PPP2R3A: variants seen among roughly 807,000 people sequenced by gnomAD.
PPP2R3A encodes the protein protein phosphatase 2 regulatory subunit B''alpha, also known as serine/threonine-protein phosphatase 2A regulatory subunit B'' subunit alpha.
In PPP2R3A, 80 loss-of-function variants were observed where a neutral mutation model predicts 106.9. The ratio of observed to expected loss-of-function variants is 0.75; its 90% CI spans 0.62 to 0.90. The LOEUF is 0.90. PPP2R3A is among the 40% of genes least tolerant of loss of function. The pLI is 0.00. For synonymous variants in PPP2R3A, 483 were observed against 468.3 expected, an observed-to-expected ratio of 1.03 and a Z score of -0.41; for missense variants, 1,386 against 1,350.4, an observed-to-expected ratio of 1.03 and a Z score of -0.41.
intron 1 of PPP2R3A, among the ~76,000 whole-genome samples, chr3:135,995,317 C>G (rs1055178886): frequency 3.9e-5 from 6 of 152,044 alleles, no homozygotes; most frequent in African/African-American, 1.4e-4. Flanking sequence ...CATATTTTAT[C>G]TCATCTAAGA....
At chr3:135,978,505 C>T (rs537494022) in intron 1 of PPP2R3A, among the ~76,000 whole-genome samples, 12 of 150,596 alleles carry the variant, frequency 8.0e-5, no homozygotes, top group Non-Finnish European at 1.6e-4. Context: ...GTAATTGTAC[C>T]CTTTAGATAG....
chr3:136,078,077 C>T (rs1936655816), intron 6 of PPP2R3A, among the ~76,000 whole-genome samples: 1 of 152,138 alleles, frequency 6.6e-6, no homozygotes, highest in African/African-American at 2.4e-5. Flanking sequence ...TTGAATCAGG[C>T]ATCACTGTAT....
intron 13 of PPP2R3A, among the ~76,000 whole-genome samples, chr3:136,136,382 T>C (rs750178980): frequency 2.0e-5 from 3 of 152,168 alleles, no homozygotes; most frequent in Admixed American, 1.3e-4. Flanking sequence ...TTTATTCAGC[T>C]GTAACATTAG....
chr3:136,009,769 C>T lies in PPP2R3A; in HGVS notation c.1995+6276C>T, dbSNP rs557122428. Among the ~76,000 whole-genome samples the T allele has an allele frequency of 2.0e-5, 3 of 152,242 alleles. No homozygotes were observed. In the East Asian group the frequency reaches 5.8e-4, roughly 29 times the overall value. On this transcript the variant is annotated intron_variant, in intron 2 of 13. Coordinates refer to ENST00000264977, the MANE Select transcript of PPP2R3A (RefSeq NM_002718.5). Reference sequence around the variant, plus strand: ...ATGCTTGAGAACCACTGCCATAATTCGTCACTAAAATCATTCCCTTGAATA... The same window carrying T: ...ATGCTTGAGAACCACTGCCATAATTTGTCACTAAAATCATTCCCTTGAATA...
intron 13 of PPP2R3A, among the ~76,000 whole-genome samples, chr3:136,114,335 A>G (rs1937657629): frequency 6.6e-6 from 1 of 152,192 alleles, no homozygotes; most frequent in South Asian, 2.1e-4. Context: ...AAAACTGGGC[A>G]GCCATTCAGG....
At chr3:136,040,730 A>G in intron 3 of PPP2R3A, 129 bp from the exon 4 acceptor site, 1 of 576,576 alleles carries the variant, frequency 1.7e-6, no homozygotes. Context: ...CCTATGCTCC[A>G]GTTTTGTTCT....
chr3:136,027,420 A>G (rs1421536101), intron 3 of PPP2R3A, among the ~76,000 whole-genome samples: 1 of 152,184 alleles, frequency 6.6e-6, no homozygotes, highest in Non-Finnish European at 1.5e-5. Flanking sequence ...TGTGCTGAAT[A>G]GGAATCTGAT....
At chr3:135,993,961 GGGATAATTTTGC>G (rs1490540958) in intron 1 of PPP2R3A, among the ~76,000 whole-genome samples, 1 of 152,178 alleles carries the variant, frequency 6.6e-6, no homozygotes, top group East Asian at 1.9e-4. Context: ...AAAGGGCCTA[GGGATAATTTTGC>G]GGTGATAAAA....
chr3:136,004,288 C>T (rs529276510), intron 2 of PPP2R3A, among the ~76,000 whole-genome samples: 3 of 152,288 alleles, frequency 2.0e-5, no homozygotes, highest in South Asian at 2.1e-4. Flanking sequence ...ATTCCTTGTT[C>T]GTTTTATAAG....
At chr3:136,071,854 A>G (rs1036339559) in intron 6 of PPP2R3A, among the ~76,000 whole-genome samples, 5 of 152,026 alleles carry the variant, frequency 3.3e-5, no homozygotes, top group African/African-American at 7.2e-5. Context: ...TCTGCCTCAC[A>G]TGCTTTGTTC....
intron 3 of PPP2R3A, among the ~76,000 whole-genome samples, chr3:136,039,674 G>T (rs114897299): frequency 0.032 from 4,839 of 152,240 alleles, 265 homozygotes; most frequent in African/African-American, 0.11. Flanking sequence ...TTCACCTCCT[G>T]CTGTGTGGCC....
chr3:136,041,262 G>GTT lies in PPP2R3A; in HGVS notation c.2366+312_2366+313dup, dbSNP rs71157355. Among the ~76,000 whole-genome samples the GTT allele has an allele frequency of 3.1e-4, 30 of 96,556 alleles. 1 individual carries two copies. The highest frequency in any genetic ancestry group is 1.1e-3 in the East Asian group (3 of 2,624). The allele number at this position is 96,556 out of a possible 152,430, so 63.3% of individuals were successfully genotyped here. A position where few individuals can be genotyped will look rare whatever the true frequency, so the allele number is the denominator to read the frequency against. ...TGTTTTTTTTTTTGTTTTTTTTTTT[G>GTT]TTTTTTTTTTTTTGAGACAGAATGT... is the stretch of plus-strand genomic sequence containing the variant. On this transcript the variant is annotated intron_variant, in intron 4 of 13. Transcript: ENST00000264977.
At chr3:136,125,417 A>C (rs1035513112) in intron 13 of PPP2R3A, among the ~76,000 whole-genome samples, 3 of 152,264 alleles carry the variant, frequency 2.0e-5, no homozygotes, top group African/African-American at 7.2e-5. Flanking sequence ...CCAATCTTTC[A>C]CAAGTACTTC....
chr3:136,012,435 T>C (rs1934116754), intron 2 of PPP2R3A, among the ~76,000 whole-genome samples: 1 of 152,218 alleles, frequency 6.6e-6, no homozygotes, highest in Non-Finnish European at 1.5e-5. Flanking sequence ...TGGAGGCAAT[T>C]GGAGCAAGAC....
Position 136,145,175 on chromosome 3 carries a change from G to A in PPP2R3A, c.*9G>A, listed in dbSNP as rs1939068320. On this transcript the variant is annotated 3_prime_UTR_variant, in exon 14 of 14. Coordinates refer to ENST00000264977, the MANE Select transcript of PPP2R3A (RefSeq NM_002718.5). ...CAGTGGATGAAGAATAGCTGCCGGT[G>A]TCTACAATGAAACGAAGATGTGTAT... The A allele has an allele frequency of 6.2e-7, 1 of 1,600,898 alleles. No homozygotes were observed.
At chr3:136,072,632 A>G (rs1353442594) in intron 6 of PPP2R3A, among the ~76,000 whole-genome samples, 6 of 152,198 alleles carry the variant, frequency 3.9e-5, no homozygotes, top group East Asian at 1.9e-4. Context: ...CTGCAGTCCC[A>G]AAGAGAATTA....
chr3:136,098,735 G>A (rs915862637), intron 10 of PPP2R3A, among the ~76,000 whole-genome samples: 3 of 152,182 alleles, frequency 2.0e-5, no homozygotes, highest in African/African-American at 7.2e-5. Context: ...TAAGCCAGCT[G>A]AGGGAAAAAC....
In PPP2R3A at chr3:136,102,988, C is replaced by T. The variant is rs568746799; in HGVS notation, c.3104-270C>T. Among the ~76,000 whole-genome samples, 4 of 152,024 alleles carry T rather than the reference C, an allele frequency of 2.6e-5. No individual in the cohort carries two copies. The East Asian group carries it at 7.7e-4, about 29-fold the overall frequency. On this transcript the variant is annotated intron_variant, in intron 11 of 13. Coordinates refer to ENST00000264977, the MANE Select transcript of PPP2R3A (RefSeq NM_002718.5). ...GAACTAGATAGTGGTAATGGTTGTACAACATTGTGAGTGTACTAAAAGCCA... is the reference window on the plus strand; with the variant it reads ...GAACTAGATAGTGGTAATGGTTGTATAACATTGTGAGTGTACTAAAAGCCA...
intron 13 of PPP2R3A, among the ~76,000 whole-genome samples, chr3:136,144,531 C>T (rs917483103): frequency 4.1e-4 from 63 of 152,014 alleles, no homozygotes; most frequent in African/African-American, 1.4e-3. Flanking sequence ...TGTGGTGGCG[C>T]ATGCATGTAG....
Sources: gnomAD v4.1 joint callset for allele counts (sites outside exome capture counted in the v4.1 genomes callset) on GRCh38, gnomAD v4.1.1 for gene constraint, MANE v1.5 for transcripts, NCBI Gene and HGNC (gene_info 2026-07-23, HGNC 2026-07-21) for gene names.